ABCC6: variants seen among roughly 807,000 people sequenced by gnomAD.
The protein encoded by ABCC6 is ATP-binding cassette sub-family C member 6.
In ABCC6, 126 loss-of-function variants were observed where a neutral mutation model predicts 169.5. The ratio of observed to expected loss-of-function variants is 0.74; its 90% CI spans 0.64 to 0.86. The LOEUF (loss-of-function observed/expected upper bound fraction) is 0.86, where lower values mean the gene tolerates loss of function less well. ABCC6 is among the 40% of genes least tolerant of loss of function. The pLI is 0.00. For missense variants in ABCC6, 1,733 were observed against 1,927.2 expected (o/e 0.90, Z 1.89); for synonymous variants, 752 against 814.7 (o/e 0.92, Z 1.31).
At chr16:16,164,426 C>T (rs1024604918) in intron 23 of ABCC6, among the ~76,000 whole-genome samples, 2 of 152,094 alleles carry the variant, frequency 1.3e-5, no homozygotes, top group Non-Finnish European at 2.9e-5. Context: ...GGGACCTGAT[C>T]AGAGAGGTGG....
chr16:16,154,277 C>G (rs1364079616), intron 29 of ABCC6, among the ~76,000 whole-genome samples: 2 of 151,774 alleles, frequency 1.3e-5, no homozygotes, highest in African/African-American at 4.8e-5. Context: ...AAAAAAAATC[C>G]TATATTATAG....
intron 14 of ABCC6, 108 bp downstream of exon 14, chr16:16,187,016 G>T: frequency 1.0e-6 from 1 of 953,126 alleles, no homozygotes; most frequent in Non-Finnish European, 1.6e-6. Context: ...TCCATTGCCC[G>T]CAGCCCCCAT....
intron 2 of ABCC6, among the ~76,000 whole-genome samples, chr16:16,220,618 G>A (rs1442912411): frequency 5.9e-5 from 9 of 152,148 alleles, no homozygotes; most frequent in East Asian, 3.9e-4. Context: ...GCAGTCGGCC[G>A]GGGGTGGTGG....
chr16:16,194,646 G>T (rs1474745342), intron 10 of ABCC6, among the ~76,000 whole-genome samples: 1 of 152,118 alleles, frequency 6.6e-6, no homozygotes, highest in Non-Finnish European at 1.5e-5. Flanking sequence ...GTGTGCCTCA[G>T]TTTCCCGTCT....
At chr16:16,185,773 A>C (rs1226591712) in intron 14 of ABCC6, among the ~76,000 whole-genome samples, 3 of 128,460 alleles carry the variant, frequency 2.3e-5, no homozygotes, top group African/African-American at 7.5e-5. Flanking sequence ...TGACGGAGTA[A>C]GACTGTGTCT....
rs1454723880 is a variant in ABCC6 at position 16,150,646 on chromosome 16, C to T, written c.4335G>A (p.Gly1445=). ...GTELQMQAML[G]SWFAQCTVLL... is the part of the protein sequence containing the mutation. ...GCACAGTGCACTGTGCAAACCAGCTCCCGAGCATGGCCTGCATCTGCAGCT... is the reference window on the plus strand; with the variant it reads ...GCACAGTGCACTGTGCAAACCAGCTTCCGAGCATGGCCTGCATCTGCAGCT... The change falls in exon 30 of 31, where the codon GGG becomes GGA. Residue 1445 remains glycine (G), a synonymous_variant. Transcript: ENST00000205557. The T allele has an allele frequency of 2.5e-6, 4 of 1,613,442 alleles. No homozygotes were observed. Among genetic ancestry groups the T allele is most frequent in the East Asian group, 2.2e-5 (1 of 44,862 alleles).
chr16:16,176,033 A>G, intron 19 of ABCC6, 47 bp from the exon 20 acceptor site: 1 of 1,574,554 alleles, frequency 6.4e-7, no homozygotes, highest in Non-Finnish European at 8.7e-7. Flanking sequence ...CCAGATACCC[A>G]CTTTGACACC....
rs1290687262 is a variant in ABCC6, at chr16:16,182,398, C to T, written c.2247+14G>A. 3.1e-6 allele frequency: 5 copies of T among 1,613,232 alleles called. No individual in the cohort carries two copies. The highest frequency in any genetic ancestry group is 4.2e-6 in the Non-Finnish European group (5 of 1,180,038). On this transcript the variant is annotated intron_variant, in intron 17 of 30. Transcript: ENST00000205557. Reference sequence around the variant, plus strand: ...CAATGTCTCCCTGTCCCAAAAAGACCCCCAAACTCTCACCTGCTCCCCAAT... The same window carrying T: ...CAATGTCTCCCTGTCCCAAAAAGACTCCCAAACTCTCACCTGCTCCCCAAT...
At chr16:16,204,101 G>A (rs2048324787) in intron 7 of ABCC6, among the ~76,000 whole-genome samples, 1 of 151,416 alleles carries the variant, frequency 6.6e-6, no homozygotes, top group Admixed American at 6.6e-5. Flanking sequence ...CTGTCGCCCA[G>A]GCTGGAGTGC....
At chr16:16,168,491 A>G (rs1239682124) in intron 22 of ABCC6, among the ~76,000 whole-genome samples, 1 of 151,802 alleles carries the variant, frequency 6.6e-6, no homozygotes, top group Non-Finnish European at 1.5e-5. Context: ...GTCTATATAT[A>G]TGTGTGTGTG....
At chr16:16,169,065 A>G (rs1000919987) in intron 22 of ABCC6, among the ~76,000 whole-genome samples, 6 of 152,168 alleles carry the variant, frequency 3.9e-5, no homozygotes, top group Non-Finnish European at 7.3e-5. Context: ...CGGGCAACAG[A>G]GCAAGACTCT....
chr16:16,167,636 T>G (rs2046919965), intron 22 of ABCC6, among the ~76,000 whole-genome samples: 1 of 151,990 alleles, frequency 6.6e-6, no homozygotes, highest in Non-Finnish European at 1.5e-5. Context: ...GCCTGGCTAA[T>G]TTTTGTATTT....
chr16:16,203,356 G>A, intron 8 of ABCC6, 54 bp downstream of exon 8: 1 of 1,612,274 alleles, frequency 6.2e-7, no homozygotes. Flanking sequence ...GCCCTGGAAG[G>A]ATGCCACTAA....
At position 16,198,098 on chromosome 16, in the gene ABCC6, T is replaced by C. The variant is rs932396289; in HGVS notation, c.1261A>G (p.Thr421Ala). 1.2e-6 allele frequency: 2 copies of C among 1,613,696 alleles called. No homozygotes were observed. The highest frequency in any genetic ancestry group is 3.3e-5 in the Admixed American group (2 of 59,982). ...NLVSVDVQRLTESVLYLNGLW... is the reference protein window; with the variant it reads ...NLVSVDVQRLAESVLYLNGLW... ...CCGTTGAGGTAGAGGACGCTCTCGGTCAGCCGCTGCACGTCCACGGACACC... is the reference window on the plus strand; with the variant it reads ...CCGTTGAGGTAGAGGACGCTCTCGGCCAGCCGCTGCACGTCCACGGACACC... Residue 421 changes from threonine (T) to alanine (A), a missense_variant, in exon 10 of 31, where the codon ACC (threonine) becomes GCC (alanine). This residue lies in a region of ABCC6 where 1,601 missense variants were observed against 1,635.5 expected (regional missense o/e 0.98). Transcript: ENST00000205557.
chr16:16,150,796 C>G (rs2152207696), intron 29 of ABCC6, 24 bp from the exon 30 acceptor site: 11 of 1,611,038 alleles, frequency 6.8e-6, no homozygotes, highest in South Asian at 3.3e-5. Flanking sequence ...GGACAATTAG[C>G]TGGGACGTGC....
chr16:16,176,907 A>T (rs952624555), intron 19 of ABCC6, among the ~76,000 whole-genome samples: 1 of 152,214 alleles, frequency 6.6e-6, no homozygotes, highest in African/African-American at 2.4e-5. Flanking sequence ...ATGTGCTGTT[A>T]GTTGCTACTT....
chr16:16,169,912 G>A (rs2047004775), intron 21 of ABCC6, 59 bp from the exon 22 acceptor site: 3 of 1,521,858 alleles, frequency 2.0e-6, no homozygotes, highest in Admixed American at 3.9e-5. Context: ...GGGGTGGGTT[G>A]AGGCAAGGCC....
chr16:16,213,558 CTTTTTTTTT>C (rs61603385), intron 5 of ABCC6, among the ~76,000 whole-genome samples: 1 of 72,390 alleles, frequency 1.4e-5, no homozygotes. Flanking sequence ...CTTTTTCCTT[CTTTTTTTTT>C]TTTTTTTTTT....
At chr16:16,211,412 A>C (rs957163839) in intron 6 of ABCC6, among the ~76,000 whole-genome samples, 1 of 152,186 alleles carries the variant, frequency 6.6e-6, no homozygotes, top group Non-Finnish European at 1.5e-5. Flanking sequence ...AAAAGAAAAA[A>C]AAATAATTAC....
Sources: allele counts gnomAD v4.1 joint callset (sites outside exome capture counted in the v4.1 genomes callset), GRCh38; gene constraint gnomAD v4.1.1; regional missense constraint gnomAD v4.1.1; transcripts MANE v1.5; gene names NCBI Gene and HGNC (gene_info 2026-07-23, HGNC 2026-07-21).